MLLT10: variants seen among roughly 807,000 people sequenced by gnomAD.
The protein encoded by MLLT10 is protein AF-10.
In MLLT10, 30 loss-of-function variants were observed where a neutral mutation model predicts 129.1. The observed-to-expected ratio is 0.23, with a 90% CI of 0.17 to 0.32. MLLT10 has a LOEUF of 0.32. Ranked by LOEUF, MLLT10 falls within the 10% of genes least tolerant of loss-of-function variation. The pLI, the probability that MLLT10 is intolerant of heterozygous loss-of-function variation, is 1.00. For missense variants in MLLT10, 1,119 were observed against 1,268.3 expected (o/e 0.88, Z 1.79); for synonymous variants, 490 against 446.4 (o/e 1.10, Z -1.23).
chr10:21,591,281 A>T (rs1179992255), intron 4 of MLLT10, among the ~76,000 whole-genome samples: 2 of 151,928 alleles, frequency 1.3e-5, no homozygotes, highest in Non-Finnish European at 2.9e-5. Context: ...CTGGTCTCAA[A>T]CTGCTGAGCT....
chr10:21,664,324 T>C (rs888606452), intron 9 of MLLT10, among the ~76,000 whole-genome samples: 1 of 151,626 alleles, frequency 6.6e-6, no homozygotes, highest in Non-Finnish European at 1.5e-5. Flanking sequence ...TTGTTTGTTT[T>C]TTTTTTTTGA....
intron 13 of MLLT10, among the ~76,000 whole-genome samples, chr10:21,685,585 G>T (rs1344929375): frequency 6.6e-6 from 1 of 152,054 alleles, no homozygotes. Flanking sequence ...TCCGCAAGTG[G>T]TCCACCTCGG....
At position 21,727,858 on chromosome 10, in the gene MLLT10, C is replaced by G; in HGVS notation, c.1993C>G (p.Gln665Glu). 1.2e-6 allele frequency: 2 copies of G among 1,613,414 alleles called. No homozygotes were observed. Among genetic ancestry groups the G allele is most frequent in the Non-Finnish European group, 1.7e-6 (2 of 1,179,504 alleles). ...IAQSENNQTDQDLGDNSRNLV... is the reference protein window; with the variant it reads ...IAQSENNQTDEDLGDNSRNLV... ...GCTCTGAAATATTTACACTACAGAT[C>G]AAGATCTTGGAGACAATAGCCGCAA... The change falls in exon 16 of 23, where the codon CAA (glutamine) becomes GAA (glutamate). Residue 665 changes from glutamine (Q) to glutamate (E), a missense_variant and splice_region_variant. Transcript: ENST00000307729.
chr10:21,738,488 CTG>C, intron 21 of MLLT10: 1 of 1,288,794 alleles, frequency 7.8e-7, no homozygotes, highest in African/African-American at 1.5e-5. Context: ...GACTAAAGGA[CTG>C]TACTTTTTCC....
chr10:21,688,131 A>G (rs1447329669), intron 13 of MLLT10, among the ~76,000 whole-genome samples: 1 of 152,184 alleles, frequency 6.6e-6, no homozygotes, highest in Non-Finnish European at 1.5e-5. Context: ...ACTGGGGAGA[A>G]AAAGTAGTTT....
At chr10:21,568,470 G>T (rs1203368249) in intron 3 of MLLT10, among the ~76,000 whole-genome samples, 1 of 151,828 alleles carries the variant, frequency 6.6e-6, no homozygotes, top group East Asian at 1.9e-4. Flanking sequence ...TCTTTCTTTT[G>T]CTCTTCTAGT....
chr10:21,554,043 G>A (rs1446614269), intron 3 of MLLT10, among the ~76,000 whole-genome samples: 1 of 152,170 alleles, frequency 6.6e-6, no homozygotes, highest in African/African-American at 2.4e-5. Context: ...TCACGATGGT[G>A]TGCTTGCTTA....
intron 5 of MLLT10, among the ~76,000 whole-genome samples, chr10:21,608,785 G>T (rs1214062681): frequency 2.0e-5 from 3 of 151,846 alleles, no homozygotes; most frequent in Non-Finnish European, 2.9e-5. Flanking sequence ...AATTAAATCA[G>T]CTTTTGAGTC....
intron 3 of MLLT10, among the ~76,000 whole-genome samples, chr10:21,558,911 A>G (rs1428558443): frequency 6.6e-6 from 1 of 152,228 alleles, no homozygotes; most frequent in African/African-American, 2.4e-5. Flanking sequence ...ACAAGATACC[A>G]GAAAGAATTA....
intron 14 of MLLT10, among the ~76,000 whole-genome samples, chr10:21,721,915 TA>T (rs1414139866): frequency 3.3e-5 from 5 of 152,076 alleles, no homozygotes; most frequent in Non-Finnish European, 7.4e-5. Context: ...AGTGTTACAA[TA>T]AATGTTAGAT....
chr10:21,624,515 C>G (rs551854627), intron 8 of MLLT10: 7 of 918,362 alleles, frequency 7.6e-6, no homozygotes, highest in East Asian at 5.5e-5. Flanking sequence ...AACAGTTAAA[C>G]AAAATTTTTT....
intron 3 of MLLT10, among the ~76,000 whole-genome samples, chr10:21,585,652 C>G (rs1345280163): frequency 6.6e-6 from 1 of 152,192 alleles, no homozygotes; most frequent in Non-Finnish European, 1.5e-5. Flanking sequence ...AAGCCTTGCC[C>G]CATTCCTGTG....
chr10:21,573,628 A>T (rs1399585916), intron 3 of MLLT10, among the ~76,000 whole-genome samples: 2 of 151,154 alleles, frequency 1.3e-5, no homozygotes, highest in Non-Finnish European at 2.9e-5. Flanking sequence ...GTACAGTGGC[A>T]CAATCTCTGC....
At chr10:21,595,478 C>G (rs774866114) in intron 5 of MLLT10, 38 bp downstream of exon 5, 8 of 1,469,626 alleles carry the variant, frequency 5.4e-6, no homozygotes, top group Non-Finnish European at 6.6e-6. Flanking sequence ...TTGAATATCA[C>G]TACTGGGAAG....
rs1419554058 is a variant in MLLT10, at chr10:21,623,720, CTTT to C, written c.699+6516_699+6518del. 4.6e-5 allele frequency among the ~76,000 whole-genome samples: 7 copies of C among 152,248 alleles called. No individual in the cohort carries two copies. In the East Asian group the frequency reaches 1.4e-3, roughly 29 times the overall value. ...GGACTCTATTTGTTTTTTTCTAACT[CTTT>C]TTATACTTGTTAGAAAGTTTTAAAA... On this transcript the variant is annotated intron_variant, in intron 8 of 22. Coordinates refer to ENST00000307729, the MANE Select transcript of MLLT10 (RefSeq NM_001195626.3).
chr10:21,539,078 A>C (rs2034606777), intron 3 of MLLT10, 166 bp downstream of exon 3: 1 of 499,702 alleles, frequency 2.0e-6, no homozygotes, highest in East Asian at 3.0e-5. Context: ...AGATTTTGTA[A>C]AACTGAAAAA....
At chr10:21,674,009 T>C (rs1342298842) in intron 11 of MLLT10, 90 bp downstream of exon 11, 1 of 932,108 alleles carries the variant, frequency 1.1e-6, no homozygotes, top group Non-Finnish European at 1.5e-6. Context: ...GTTACGATAA[T>C]ACTTGAAATT....
intron 8 of MLLT10, chr10:21,625,251 T>G: frequency 8.5e-7 from 1 of 1,176,872 alleles, no homozygotes; most frequent in Non-Finnish European, 1.3e-6. Flanking sequence ...GCTAAGACTA[T>G]TTCAAGTTCT....
chr10:21,538,969 A>G (rs1157143067), intron 3 of MLLT10, 57 bp downstream of exon 3: 1 of 1,232,154 alleles, frequency 8.1e-7, no homozygotes, highest in Non-Finnish European at 1.2e-6. Flanking sequence ...GAAATTAGGA[A>G]CTGCACTCCT....
Sources: gnomAD v4.1 joint callset for allele counts (sites outside exome capture counted in the v4.1 genomes callset) on GRCh38, gnomAD v4.1.1 for gene constraint, MANE v1.5 for transcripts, NCBI Gene and HGNC (gene_info 2026-07-23, HGNC 2026-07-21) for gene names.